The following PAPSS1 variants were observed in gnomAD, a reference collection of about 807,000 sequenced individuals.
The protein encoded by PAPSS1 is 3'-phosphoadenosine 5'-phosphosulfate synthase 1, also known as bifunctional 3'-phosphoadenosine 5'-phosphosulfate synthase 1.
PAPSS1 carries 50 observed loss-of-function variants against 72.0 expected under a neutral mutation model. That is an observed-to-expected ratio of 0.69 (90% CI 0.55 to 0.88). PAPSS1 has a LOEUF of 0.88. PAPSS1 is among the 40% of genes least tolerant of loss of function. PAPSS1 has a pLI of 0.00. For synonymous variants in PAPSS1, 261 were observed against 263.6 expected, an observed-to-expected ratio of 0.99 and a Z score of 0.09; for missense variants, 657 against 782.2, an observed-to-expected ratio of 0.84 and a Z score of 1.91.
chr4:107,707,000 G>C (rs901549829), intron 1 of PAPSS1, among the ~76,000 whole-genome samples: 3 of 152,160 alleles, frequency 2.0e-5, no homozygotes, highest in African/African-American at 4.8e-5. Context: ...TAGATGCTCA[G>C]CATATGGGTG....
intron 1 of PAPSS1, among the ~76,000 whole-genome samples, chr4:107,711,695 T>C (rs1180634916): frequency 6.6e-6 from 1 of 152,222 alleles, no homozygotes; most frequent in Non-Finnish European, 1.5e-5. Flanking sequence ...GATGAAACTG[T>C]AGAGATCGTA....
At chr4:107,661,516 T>C (rs746316206) in intron 5 of PAPSS1, among the ~76,000 whole-genome samples, 22 of 152,072 alleles carry the variant, frequency 1.4e-4, no homozygotes, top group Non-Finnish European at 2.4e-4. Context: ...TAAGAAGAAA[T>C]GAGCTCCATG....
intron 4 of PAPSS1, among the ~76,000 whole-genome samples, chr4:107,683,897 A>C (rs1722701316): frequency 6.6e-6 from 1 of 152,150 alleles, no homozygotes; most frequent in Admixed American, 6.6e-5. Context: ...GCTTTTTAAA[A>C]AAATAAGCAA....
At chr4:107,706,894 TGGTGCTGGAGC>T (rs1723351402) in intron 1 of PAPSS1, among the ~76,000 whole-genome samples, 1 of 152,180 alleles carries the variant, frequency 6.6e-6, no homozygotes, top group East Asian at 1.9e-4. Flanking sequence ...AGAGCTCAGC[TGGTGCTGGAGC>T]GGATGTGGAA....
intron 10 of PAPSS1, among the ~76,000 whole-genome samples, chr4:107,640,766 G>A (rs972087737): frequency 6.6e-6 from 1 of 152,134 alleles, no homozygotes; most frequent in South Asian, 2.1e-4. Flanking sequence ...TTCTTTACAA[G>A]TTCAGAAGTT....
At chr4:107,682,239 C>CTGT in intron 4 of PAPSS1, 106 bp from the exon 5 acceptor site, 1 of 543,914 alleles carries the variant, frequency 1.8e-6, no homozygotes, top group Non-Finnish European at 3.2e-6. Flanking sequence ...TGCGCTGTCC[C>CTGT]CCAAGCCACA....
At chr4:107,710,998 G>C (rs189754718) in intron 1 of PAPSS1, among the ~76,000 whole-genome samples, 1 of 152,158 alleles carries the variant, frequency 6.6e-6, no homozygotes, top group Non-Finnish European at 1.5e-5. Flanking sequence ...CGTTTGCCTC[G>C]ACCTATCCTT....
At chr4:107,630,047 T>A (rs1726190710) in intron 11 of PAPSS1, among the ~76,000 whole-genome samples, 1 of 152,182 alleles carries the variant, frequency 6.6e-6, no homozygotes, top group South Asian at 2.1e-4. Context: ...CACCCATTTT[T>A]CTTCAGTCAA....
chr4:107,701,279 G>T lies in PAPSS1; in HGVS notation c.67C>A (p.Gln23Lys), dbSNP rs1445145044. The T allele has an allele frequency of 1.2e-6, 2 of 1,603,938 alleles. No homozygotes were observed. The highest frequency in any genetic ancestry group is 1.7e-5 in the Admixed American group (1 of 58,782). Residue 23 changes from glutamine (Q) to lysine (K), a missense_variant, in exon 2 of 12, where the codon CAG becomes AAG. By Grantham distance (53) the Gln-to-Lys change is moderately conservative (BLOSUM62 1). This residue lies in a region of PAPSS1 where 48 missense variants were observed against 31.9 expected (regional missense o/e 1.51). Coordinates refer to ENST00000265174, the MANE Select transcript of PAPSS1 (RefSeq NM_005443.5). ...LSNNAQNWGMQRATNVTYQAH... is the reference protein window; with the variant it reads ...LSNNAQNWGMKRATNVTYQAH... ...TGGTAGGTGACATTGGTTGCTCTCT[G>T]CATTCCCTAGAAAAAAAAGAAAAAA...
chr4:107,650,904 C>G (rs1321519030), intron 9 of PAPSS1, among the ~76,000 whole-genome samples: 1 of 152,138 alleles, frequency 6.6e-6, no homozygotes, highest in Non-Finnish European at 1.5e-5. Context: ...GAAAATCTTT[C>G]CTGAAAACCC....
intron 3 of PAPSS1, 144 bp downstream of exon 3, chr4:107,693,627 T>C: frequency 3.2e-6 from 2 of 624,394 alleles, no homozygotes; most frequent in East Asian, 2.7e-5. Context: ...ATTTTAATCC[T>C]ATGTTACAGG....
intron 7 of PAPSS1, among the ~76,000 whole-genome samples, chr4:107,655,294 C>A (rs1290687125): frequency 6.6e-6 from 1 of 152,070 alleles, no homozygotes; most frequent in East Asian, 1.9e-4. Flanking sequence ...GTTTCTGGGC[C>A]TTTTCAGGAA....
chr4:107,706,845 T>C (rs1723349932), intron 1 of PAPSS1, among the ~76,000 whole-genome samples: 1 of 152,218 alleles, frequency 6.6e-6, no homozygotes, highest in African/African-American at 2.4e-5. Context: ...GCTGGAGTCC[T>C]CAGGGAGGCT....
At chr4:107,625,558 A>T (rs545416672) in intron 11 of PAPSS1, among the ~76,000 whole-genome samples, 1 of 152,212 alleles carries the variant, frequency 6.6e-6, no homozygotes, top group South Asian at 2.1e-4. Flanking sequence ...AACTCGGCTA[A>T]TAACAGGGTT....
chr4:107,717,149 T>C (rs1298512461), intron 1 of PAPSS1, among the ~76,000 whole-genome samples: 1 of 152,204 alleles, frequency 6.6e-6, no homozygotes, highest in African/African-American at 2.4e-5. Flanking sequence ...TATATTAACA[T>C]TGAAAAAACA....
chr4:107,626,594 C>T (rs570623906), intron 11 of PAPSS1, among the ~76,000 whole-genome samples: 4 of 152,298 alleles, frequency 2.6e-5, no homozygotes, highest in South Asian at 2.1e-4. Flanking sequence ...TTATCAACAA[C>T]GTTTTGCCTG....
chr4:107,713,923 C>T (rs1258755422), intron 1 of PAPSS1, among the ~76,000 whole-genome samples: 1 of 152,054 alleles, frequency 6.6e-6, no homozygotes, highest in African/African-American at 2.4e-5. Context: ...GTATTTCCAC[C>T]ATCATTATTC....
At chr4:107,695,176 G>A (rs994736091) in intron 2 of PAPSS1, among the ~76,000 whole-genome samples, 6 of 152,142 alleles carry the variant, frequency 3.9e-5, no homozygotes, top group African/African-American at 9.7e-5. Context: ...CTTCAGCAGT[G>A]GTTTGTAGTT....
chr4:107,654,950 G>T, intron 7 of PAPSS1, 50 bp from the exon 8 acceptor site: 1 of 1,382,978 alleles, frequency 7.2e-7, no homozygotes, highest in East Asian at 2.3e-5. Flanking sequence ...TACTCAACAC[G>T]CTTTACTTAA....
Sources: gnomAD v4.1 joint callset for allele counts (sites outside exome capture counted in the v4.1 genomes callset) on GRCh38, gnomAD v4.1.1 for gene constraint, gnomAD v4.1.1 regional missense constraint, MANE v1.5 for transcripts, NCBI Gene and HGNC (gene_info 2026-07-23, HGNC 2026-07-21) for gene names.